The following FHIP1A variants were observed in gnomAD, a reference collection of about 807,000 sequenced individuals.
The protein encoded by FHIP1A is FHF complex subunit HOOK interacting protein 1A, also known as FHF complex subunit HOOK-interacting protein 1A.
Under a neutral mutation model 88.6 loss-of-function variants are expected in FHIP1A, and 61 were observed. The observed-to-expected ratio is 0.69, with a 90% CI of 0.56 to 0.85. FHIP1A has a LOEUF of 0.85. Among genes scored for constraint, FHIP1A ranks in the 40% least tolerant of loss-of-function variants. The pLI is 0.00. For synonymous variants in FHIP1A, 478 were observed against 496.0 expected (o/e 0.96, Z 0.48); for missense variants, 1,154 against 1,273.5 (o/e 0.91, Z 1.43).
chr4:151,649,766 A>G lies in FHIP1A; in HGVS notation c.1725A>G (p.Thr575=). The change falls in exon 11 of 14, where the codon ACA becomes ACG. Residue 575 remains threonine (T), a synonymous_variant. Coordinates refer to ENST00000435205, the MANE Select transcript of FHIP1A (RefSeq NM_001109977.3). The part of the protein sequence containing the change: ...QLAPRKDKSQ[T]ELEWDDSYDT... ...CTCCCAGAAAGGACAAGAGCCAGAC[A>G]GAGCTGGAATGGGATGACAGCTATG... 6.4e-7 allele frequency: 1 copy of G among 1,551,694 alleles called. No individual in the cohort carries two copies. Among genetic ancestry groups the G allele is most frequent in the Non-Finnish European group, 8.7e-7 (1 of 1,146,972 alleles).
intron 3 of FHIP1A, among the ~76,000 whole-genome samples, chr4:151,531,351 A>G (rs1295034570): frequency 6.6e-6 from 1 of 151,948 alleles, no homozygotes; most frequent in African/African-American, 2.4e-5. Flanking sequence ...GTTGAGGTGG[A>G]GGGGCCTTCT....
At position 151,409,413 on chromosome 4, in the gene FHIP1A, A is replaced by G. The variant is rs1168845080; in HGVS notation, c.-408A>G. ...CAAACTTTCTGGACTATCTGAGGAC[A>G]CTTGTCCAGCGAGCCCCACTGCTCG... On this transcript the variant is annotated 5_prime_UTR_variant, in exon 1 of 14. Transcript: ENST00000435205. The G allele has an allele frequency of 6.6e-6, 1 of 152,322 alleles. No homozygotes were observed. The highest frequency in any genetic ancestry group is 1.5e-5 in the Non-Finnish European group (1 of 68,202). 9.4% of individuals were successfully genotyped at this position (152,322 alleles called of 1,614,324 possible).
chr4:151,478,997 A>G (rs1218865738), intron 2 of FHIP1A, among the ~76,000 whole-genome samples: 1 of 152,112 alleles, frequency 6.6e-6, no homozygotes, highest in East Asian at 1.9e-4. Flanking sequence ...AGTCATCCAA[A>G]TTACACTCAG....
chr4:151,537,305 C>T (rs1732105989), intron 3 of FHIP1A, among the ~76,000 whole-genome samples: 1 of 152,040 alleles, frequency 6.6e-6, no homozygotes, highest in African/African-American at 2.4e-5. Flanking sequence ...TTAATTTAAG[C>T]CATGCTGATA....
intron 5 of FHIP1A, among the ~76,000 whole-genome samples, chr4:151,581,616 T>G (rs1578779716): frequency 6.6e-6 from 1 of 152,166 alleles, no homozygotes; most frequent in African/African-American, 2.4e-5. Context: ...CTTCATTGTG[T>G]TAAGTTGCCC....
chr4:151,413,675 G>A (rs1377533967), intron 1 of FHIP1A, among the ~76,000 whole-genome samples: 1 of 151,648 alleles, frequency 6.6e-6, no homozygotes, highest in Admixed American at 6.6e-5. Flanking sequence ...GGCTGGTCTC[G>A]AATTCCTGGC....
Position 151,601,099 on chromosome 4 carries a change from C to A in FHIP1A, c.978+12173C>A, listed in dbSNP as rs758284935. Among the ~76,000 whole-genome samples, 10 of 152,264 alleles carry A rather than the reference C, an allele frequency of 6.6e-5. No individual in the cohort carries two copies. In the East Asian group the frequency reaches 1.9e-3, roughly 29 times the overall value. ...AAAGAGACATATGTGGAGAGGCCCA[C>A]CTGATAAGAGCCATGAACTTCAGTC... On this transcript the variant is annotated intron_variant, in intron 7 of 13. Coordinates refer to ENST00000435205, the MANE Select transcript of FHIP1A (RefSeq NM_001109977.3).
At chr4:151,433,067 G>C (rs146783840) in intron 1 of FHIP1A, among the ~76,000 whole-genome samples, 41 of 152,258 alleles carry the variant, frequency 2.7e-4, no homozygotes, top group African/African-American at 5.8e-4. Context: ...GCAAGTTCAA[G>C]TGTGTGTGTG....
intron 1 of FHIP1A, among the ~76,000 whole-genome samples, chr4:151,410,772 T>G (rs1462501118): frequency 1.3e-5 from 2 of 152,254 alleles, no homozygotes; most frequent in Non-Finnish European, 2.9e-5. Flanking sequence ...TTTAATACAG[T>G]ATACTTGTTG....
At chr4:151,427,862 T>C (rs1051778642) in intron 1 of FHIP1A, among the ~76,000 whole-genome samples, 4 of 152,144 alleles carry the variant, frequency 2.6e-5, no homozygotes, top group African/African-American at 9.7e-5. Context: ...TAGATCTAAA[T>C]CATTGCAAGC....
intron 1 of FHIP1A, among the ~76,000 whole-genome samples, chr4:151,438,561 A>G (rs1007110829): frequency 6.7e-6 from 1 of 149,734 alleles, no homozygotes; most frequent in Non-Finnish European, 1.5e-5. Flanking sequence ...AGAATTATTT[A>G]TTTATTTATA....
In FHIP1A at chr4:151,593,578, G is replaced by T. The variant is rs558159725; in HGVS notation, c.978+4652G>T. Among the ~76,000 whole-genome samples the T allele has an allele frequency of 1.2e-4, 18 of 152,244 alleles. No homozygotes were observed. In the South Asian group the frequency reaches 3.5e-3, roughly 30 times the overall value. ...GGTTCTCTGTGTTTCTATTATTTAT[G>T]TATAGGAATGCTCGTGATTTTGCAC... On this transcript the variant is annotated intron_variant, in intron 7 of 13. Coordinates refer to ENST00000435205, the MANE Select transcript of FHIP1A (RefSeq NM_001109977.3).
Position 151,566,255 on chromosome 4 carries a change from G to C in FHIP1A, c.-5G>C. 2.6e-6 allele frequency: 4 copies of C among 1,532,694 alleles called. No homozygotes were observed. Among genetic ancestry groups the C allele is most frequent in the Non-Finnish European group, 3.5e-6 (4 of 1,133,198 alleles). 94.9% of individuals were successfully genotyped at this position (1,532,694 alleles called of 1,614,324 possible). On this transcript the variant is annotated 5_prime_UTR_variant, in exon 4 of 14. Transcript: ENST00000435205. ...TGACTTAGAAGCATTGATTTATGAA[G>C]GCTTATGATGTCATCGGTTTCGACA...
At chr4:151,438,554 A>T (rs1404088626) in intron 1 of FHIP1A, among the ~76,000 whole-genome samples, 1 of 151,358 alleles carries the variant, frequency 6.6e-6, no homozygotes, top group African/African-American at 2.4e-5. Context: ...CCTCACCAGA[A>T]TTATTTATTT....
At chr4:151,552,825 T>TA (rs201295653) in intron 3 of FHIP1A, among the ~76,000 whole-genome samples, 46,517 of 139,542 alleles carry the variant, frequency 0.33, 7,265 homozygotes, top group Middle Eastern at 0.35. Flanking sequence ...AAAGTATAAT[T>TA]AAAAAAAAAA....
At chr4:151,643,681 ATGT>A (rs1736681570) in intron 9 of FHIP1A, among the ~76,000 whole-genome samples, 1 of 152,106 alleles carries the variant, frequency 6.6e-6, no homozygotes, top group Admixed American at 6.5e-5. Flanking sequence ...GAGTGAGAAC[ATGT>A]GATATTTGTC....
intron 3 of FHIP1A, among the ~76,000 whole-genome samples, chr4:151,524,715 G>A (rs1414150694): frequency 2.0e-5 from 3 of 152,236 alleles, no homozygotes; most frequent in African/African-American, 7.2e-5. Context: ...ATATGAAGCA[G>A]TTGGAAACCA....
intron 2 of FHIP1A, among the ~76,000 whole-genome samples, chr4:151,478,722 T>C (rs1355019787): frequency 1.3e-5 from 2 of 152,112 alleles, no homozygotes; most frequent in Non-Finnish European, 2.9e-5. Context: ...AGAAGAACAT[T>C]TAGAATGTGG....
chr4:151,537,014 A>G (rs182885472), intron 3 of FHIP1A, among the ~76,000 whole-genome samples: 67 of 152,152 alleles, frequency 4.4e-4, no homozygotes, highest in African/African-American at 1.5e-3. Flanking sequence ...AGCTGGGACT[A>G]CAGGTGGTCA....
Sources: gnomAD v4.1 joint callset for allele counts (sites outside exome capture counted in the v4.1 genomes callset) on GRCh38, gnomAD v4.1.1 for gene constraint, MANE v1.5 for transcripts, NCBI Gene and HGNC (gene_info 2026-07-23, HGNC 2026-07-21) for gene names.